Variants in ABCB11 observed in about 807,000 individuals in gnomAD.
ABCB11 encodes ATP binding cassette subfamily B member 11, also known as bile salt export pump.
A neutral mutation model predicts 148.0 loss-of-function variants in ABCB11; 95 were observed. The ratio of observed to expected loss-of-function variants is 0.64; its 90% CI spans 0.54 to 0.76. ABCB11 has a LOEUF of 0.76. ABCB11 is among the 30% of genes least tolerant of loss of function. The probability of loss-of-function intolerance (pLI) is 0.00; values close to 1 mark genes in which losing one functional copy is unlikely to be tolerated. For synonymous variants in ABCB11, 591 were observed against 555.4 expected, an observed-to-expected ratio of 1.06 and a Z score of -0.90; for missense variants, 1,523 against 1,617.8, an observed-to-expected ratio of 0.94 and a Z score of 1.01.
At chr2:168,935,118 T>G in intron 23 of ABCB11, 66 bp downstream of exon 23, 1 of 1,587,354 alleles carries the variant, frequency 6.3e-7, no homozygotes, top group Non-Finnish European at 8.6e-7. Flanking sequence ...AAAAGCTAAC[T>G]GACAGAACCA....
intron 19 of ABCB11, among the ~76,000 whole-genome samples, chr2:168,952,219 G>A (rs1559197522): frequency 6.6e-6 from 1 of 151,620 alleles, no homozygotes; most frequent in Non-Finnish European, 1.5e-5. Context: ...TCTGGTTTTG[G>A]TATCAGGTGA....
intron 26 of ABCB11, among the ~76,000 whole-genome samples, chr2:168,925,996 C>T (rs575959992): frequency 1.3e-5 from 2 of 152,216 alleles, no homozygotes; most frequent in Non-Finnish European, 2.9e-5. Flanking sequence ...AAGAACTGGG[C>T]CAAGAGCCTA....
intron 19 of ABCB11, among the ~76,000 whole-genome samples, chr2:168,949,084 T>G (rs939321513): frequency 6.6e-6 from 1 of 151,682 alleles, no homozygotes; most frequent in Non-Finnish European, 1.5e-5. Context: ...CCCCATCACC[T>G]TGTACAAGTT....
At chr2:168,985,643 C>T (rs1694293204) in intron 10 of ABCB11, among the ~76,000 whole-genome samples, 1 of 152,062 alleles carries the variant, frequency 6.6e-6, no homozygotes, top group African/African-American at 2.4e-5. Flanking sequence ...GCATTCACAG[C>T]AACCTGGATG....
At chr2:168,939,548 T>C (rs1351398955) in intron 21 of ABCB11, among the ~76,000 whole-genome samples, 3 of 152,100 alleles carry the variant, frequency 2.0e-5, no homozygotes, top group South Asian at 2.1e-4. Flanking sequence ...AAGTTTTGAA[T>C]TTATGAAGTC....
chr2:168,978,452 A>G (rs540533354), intron 11 of ABCB11, among the ~76,000 whole-genome samples: 1 of 151,854 alleles, frequency 6.6e-6, no homozygotes, highest in East Asian at 2.0e-4. Flanking sequence ...GAACATTTTT[A>G]TGTGGTTTTT....
intron 1 of ABCB11, among the ~76,000 whole-genome samples, chr2:169,027,743 C>G (rs894611038): frequency 5.3e-5 from 8 of 152,088 alleles, no homozygotes; most frequent in Non-Finnish European, 8.8e-5. Flanking sequence ...AATCAAAGAT[C>G]CTGAGAGCAT....
chr2:169,001,647 C>T (rs1252405659), intron 5 of ABCB11, among the ~76,000 whole-genome samples: 3 of 152,098 alleles, frequency 2.0e-5, no homozygotes, highest in South Asian at 2.1e-4. Context: ...GTGAGGTCAC[C>T]GTTTTCTTCT....
chr2:168,980,075 T>C (rs1694084585), intron 10 of ABCB11, 96 bp from the exon 11 acceptor site: 1 of 657,646 alleles, frequency 1.5e-6, no homozygotes, highest in Non-Finnish European at 2.7e-6. Context: ...CAGAGAGTTA[T>C]CAGAAATTCT....
chr2:168,936,013 C>T (rs137997848), intron 22 of ABCB11, among the ~76,000 whole-genome samples: 71 of 152,286 alleles, frequency 4.7e-4, no homozygotes, highest in African/African-American at 1.5e-3. Flanking sequence ...GTGTTCACTC[C>T]GCTATTTCTC....
At chr2:169,014,411 C>T in intron 3 of ABCB11, 57 bp from the exon 4 acceptor site, 6 of 1,503,048 alleles carry the variant, frequency 4.0e-6, no homozygotes, top group Non-Finnish European at 5.5e-6. Context: ...ATGGGAAATT[C>T]TCCCTAGGTG....
Position 168,979,852 on chromosome 2 carries a change from T to TTG in ABCB11, c.1197+13_1197+14insCA. The TTG allele has an allele frequency of 6.4e-7, 1 of 1,568,204 alleles. No homozygotes were observed. Among genetic ancestry groups the TTG allele is most frequent in the Non-Finnish European group, 8.7e-7 (1 of 1,144,156 alleles). On this transcript the variant is annotated intron_variant, in intron 11 of 27. Transcript: ENST00000650372. Reference sequence around the variant, plus strand: ...CCCACCTGTTAATGGCCTTTACTTTTGGCTTATACATACCCTGTCTATTGT... The same window carrying TTG: ...CCCACCTGTTAATGGCCTTTACTTTTTGGGCTTATACATACCCTGTCTATTGT...
intron 13 of ABCB11, among the ~76,000 whole-genome samples, chr2:168,973,056 C>T (rs1454529007): frequency 2.0e-5 from 3 of 151,960 alleles, no homozygotes; most frequent in Non-Finnish European, 4.4e-5. Flanking sequence ...TAGGACTGCT[C>T]TCTCTTAATT....
chr2:168,976,680 A>G lies in ABCB11; in HGVS notation c.1205T>C (p.Ile402Thr), dbSNP rs777139573. The change falls in exon 12 of 28, where the codon ATC (isoleucine) becomes ACC (threonine). Residue 402 changes from isoleucine to threonine, a missense_variant. By Grantham distance (89) the Ile-to-Thr change is moderately conservative. Coordinates refer to ENST00000650372, the MANE Select transcript of ABCB11 (RefSeq NM_003742.4). ...ACCATCTTCTGACATGCAGTCAATG[A>G]TGGGTTTCTGGAGTGAAATACAAAA... ...SIFETIDRKP[I>T]IDCMSEDGYK... 9 of 1,607,880 alleles carry G rather than the reference A, an allele frequency of 5.6e-6. No homozygotes were observed. The highest frequency in any genetic ancestry group is 1.3e-5 in the African/African-American group (1 of 74,770).
chr2:168,956,698 C>T (rs532701802), intron 19 of ABCB11, among the ~76,000 whole-genome samples: 4 of 151,552 alleles, frequency 2.6e-5, no homozygotes, highest in African/African-American at 7.2e-5. Flanking sequence ...GTATCTAGGC[C>T]CTCAAAATGA....
At chr2:168,963,392 A>G (rs1408459737) in intron 18 of ABCB11, among the ~76,000 whole-genome samples, 1 of 151,754 alleles carries the variant, frequency 6.6e-6, no homozygotes, top group East Asian at 2.0e-4. Flanking sequence ...TCAATAAGAA[A>G]ATTGCCATGA....
chr2:168,971,787 G>A, intron 14 of ABCB11, 60 bp downstream of exon 14: 1 of 1,495,584 alleles, frequency 6.7e-7, no homozygotes, highest in Non-Finnish European at 9.3e-7. Context: ...GTATAATTGT[G>A]CAACTTTTTT....
chr2:169,009,755 T>C (rs1484097087), intron 5 of ABCB11, among the ~76,000 whole-genome samples: 1 of 151,908 alleles, frequency 6.6e-6, no homozygotes, highest in Non-Finnish European at 1.5e-5. Context: ...AAAGAAAATG[T>C]TCTAAAATTG....
chr2:168,955,189 T>G (rs1160079713), intron 19 of ABCB11, among the ~76,000 whole-genome samples: 1 of 151,766 alleles, frequency 6.6e-6, no homozygotes, highest in Non-Finnish European at 1.5e-5. Context: ...GTTTTCAGAT[T>G]TCTCTTGCAT....
Sources: gnomAD v4.1 joint callset for allele counts (sites outside exome capture counted in the v4.1 genomes callset) on GRCh38, gnomAD v4.1.1 for gene constraint, MANE v1.5 for transcripts, NCBI Gene and HGNC (gene_info 2026-07-23, HGNC 2026-07-21) for gene names.